The following ULK4 variants were observed in gnomAD, a reference collection of about 807,000 sequenced individuals.
ULK4 encodes unc-51 like kinase 4, also known as inactive serine/threonine-protein kinase ULK4.
In ULK4, 133 loss-of-function variants were observed where a neutral mutation model predicts 160.6. The ratio of observed to expected loss-of-function variants is 0.83; its 90% confidence interval spans 0.72 to 0.96. The LOEUF (loss-of-function observed/expected upper bound fraction) is 0.96, where lower values mean the gene tolerates loss of function less well. ULK4 is among the 40% of genes least tolerant of loss of function. The pLI is 0.00. For synonymous variants in ULK4, 534 were observed against 539.8 expected (o/e 0.99, Z 0.15); for missense variants, 1,580 against 1,499.5 (o/e 1.05, Z -0.89).
intron 34 of ULK4, among the ~76,000 whole-genome samples, chr3:41,444,124 T>C (rs2125859512): frequency 6.6e-6 from 1 of 152,280 alleles, no homozygotes; most frequent in Admixed American, 6.5e-5. Flanking sequence ...TACAGACCAA[T>C]TAATATTTTA....
At chr3:41,895,693 A>G (rs1698128414) in intron 15 of ULK4, 129 bp from the exon 16 acceptor site, 1 of 420,126 alleles carries the variant, frequency 2.4e-6, no homozygotes, top group Non-Finnish European at 4.3e-6. Flanking sequence ...TACACCAAAA[A>G]TGGTATTTAC....
At chr3:41,485,777 G>A (rs775507207) in intron 32 of ULK4, among the ~76,000 whole-genome samples, 1 of 152,104 alleles carries the variant, frequency 6.6e-6, no homozygotes, top group Non-Finnish European at 1.5e-5. Context: ...AAGAATTGAC[G>A]TGCAGCTTTT....
At chr3:41,867,635 C>T (rs1325775953) in intron 17 of ULK4, among the ~76,000 whole-genome samples, 1 of 152,170 alleles carries the variant, frequency 6.6e-6, no homozygotes, top group Non-Finnish European at 1.5e-5. Flanking sequence ...CCTCAACCTC[C>T]CAAAGTGCTG....
intron 5 of ULK4, among the ~76,000 whole-genome samples, chr3:41,922,726 A>G (rs1378442571): frequency 6.6e-6 from 1 of 152,202 alleles, no homozygotes; most frequent in Non-Finnish European, 1.5e-5. Flanking sequence ...ATTTTATTAC[A>G]GGAAGCGTCT....
chr3:41,943,225 AAAAG>A (rs1700014786), intron 2 of ULK4, among the ~76,000 whole-genome samples: 1 of 151,814 alleles, frequency 6.6e-6, no homozygotes, highest in Non-Finnish European at 1.5e-5. Context: ...AAAAAAAAAA[AAAAG>A]AAAGAAATAT....
chr3:41,700,581 C>G (rs1257670361), intron 27 of ULK4, among the ~76,000 whole-genome samples: 1 of 152,060 alleles, frequency 6.6e-6, no homozygotes, highest in Non-Finnish European at 1.5e-5. Flanking sequence ...CCCTTAGGTG[C>G]CTGGCAGAAG....
intron 27 of ULK4, among the ~76,000 whole-genome samples, chr3:41,684,503 G>C (rs1197952691): frequency 1.3e-5 from 2 of 152,152 alleles, no homozygotes; most frequent in Non-Finnish European, 2.9e-5. Context: ...CCAGAAGGTG[G>C]GAATTCCGAG....
chr3:41,886,774 C>T (rs1395629348), intron 16 of ULK4, among the ~76,000 whole-genome samples: 1 of 152,112 alleles, frequency 6.6e-6, no homozygotes, highest in Non-Finnish European at 1.5e-5. Flanking sequence ...CAGGGTTTCA[C>T]CATGTTGGCC....
chr3:41,934,691 G>C (rs920998645), intron 4 of ULK4, among the ~76,000 whole-genome samples: 1 of 152,152 alleles, frequency 6.6e-6, no homozygotes, highest in Non-Finnish European at 1.5e-5. Flanking sequence ...CAGAAACCAA[G>C]TAGGTTTCAT....
chr3:41,515,109 T>C (rs2085708069), intron 32 of ULK4, among the ~76,000 whole-genome samples: 1 of 151,626 alleles, frequency 6.6e-6, no homozygotes, highest in African/African-American at 2.4e-5. Flanking sequence ...ATACAAAAAT[T>C]AGCTGTGTGT....
intron 2 of ULK4, among the ~76,000 whole-genome samples, chr3:41,942,005 G>A (rs1181793018): frequency 6.6e-6 from 1 of 151,950 alleles, no homozygotes; most frequent in African/African-American, 2.4e-5. Flanking sequence ...TCTTCCAAAT[G>A]CTGGGCCAAA....
rs146984638 is a variant in ULK4, at chr3:41,584,535, C to T, written c.3121-18405G>A. On this transcript the variant is annotated intron_variant, in intron 31 of 36. Coordinates refer to ENST00000301831, the MANE Select transcript of ULK4 (RefSeq NM_017886.4). ...CCCCTGGGCTGAAGTGATCCTCCTT[C>T]CTTGATCTCCCAAAGTGCTGGGATT... Among the ~76,000 whole-genome samples the T allele has an allele frequency of 6.8e-3, 1,037 of 152,206 alleles. 8 individuals carry two copies. The highest frequency in any genetic ancestry group is 0.018 in the African/African-American group (729 of 41,528).
At chr3:41,923,123 A>G (rs1220826310) in intron 5 of ULK4, among the ~76,000 whole-genome samples, 1 of 151,486 alleles carries the variant, frequency 6.6e-6, no homozygotes. Context: ...AGCCGAGATC[A>G]CACCATTGCA....
At chr3:41,648,158 C>T (rs1247386657) in intron 30 of ULK4, among the ~76,000 whole-genome samples, 1 of 152,208 alleles carries the variant, frequency 6.6e-6, no homozygotes, top group Non-Finnish European at 1.5e-5. Context: ...CCGAGTGAGG[C>T]AATGCCTTGC....
At chr3:41,362,585 C>G (rs1255596823) in intron 35 of ULK4, among the ~76,000 whole-genome samples, 2 of 152,152 alleles carry the variant, frequency 1.3e-5, no homozygotes, top group South Asian at 2.1e-4. Flanking sequence ...CAGCCATCCT[C>G]TTATGCCTCA....
At chr3:41,687,560 T>C (rs955300678) in intron 27 of ULK4, among the ~76,000 whole-genome samples, 1 of 152,102 alleles carries the variant, frequency 6.6e-6, no homozygotes, top group Non-Finnish European at 1.5e-5. Context: ...AATAAAGTTA[T>C]GAACAAATCA....
intron 21 of ULK4, among the ~76,000 whole-genome samples, chr3:41,769,775 A>G (rs139778006): frequency 3.9e-5 from 6 of 152,330 alleles, no homozygotes; most frequent in African/African-American, 1.2e-4. Flanking sequence ...TCTAGTACAC[A>G]TCATAAAGGC....
chr3:41,748,447 C>T (rs1037943985), intron 22 of ULK4, among the ~76,000 whole-genome samples: 1 of 152,030 alleles, frequency 6.6e-6, no homozygotes, highest in African/African-American at 2.4e-5. Flanking sequence ...AAATATTCTG[C>T]CATAATACTG....
At chr3:41,551,315 A>C (rs1404680004) in intron 32 of ULK4, among the ~76,000 whole-genome samples, 1 of 151,846 alleles carries the variant, frequency 6.6e-6, no homozygotes, top group Non-Finnish European at 1.5e-5. Context: ...GAGGCAAAAA[A>C]GTATAAAGGA....
Sources: allele counts gnomAD v4.1 joint callset (sites outside exome capture counted in the v4.1 genomes callset), GRCh38; gene constraint gnomAD v4.1.1; transcripts MANE v1.5; gene names NCBI Gene and HGNC (gene_info 2026-07-23, HGNC 2026-07-21).